RIMS1: variants seen among roughly 807,000 people sequenced by gnomAD.
RIMS1 encodes regulating synaptic membrane exocytosis 1, also known as regulating synaptic membrane exocytosis protein 1.
RIMS1 carries 83 observed loss-of-function variants against 214.1 expected under a neutral mutation model. The observed-to-expected ratio is 0.39, with a 90% CI of 0.32 to 0.47. RIMS1 has a LOEUF of 0.47. Among genes scored for constraint, RIMS1 ranks in the 20% least tolerant of loss-of-function variants. RIMS1 has a pLI of 0.99. For synonymous variants in RIMS1, 793 were observed against 786.8 expected (o/e 1.01, Z -0.13); for missense variants, 2,050 against 2,161.8 (o/e 0.95, Z 1.03).
chr6:71,939,761 G>A (rs773230999), intron 1 of RIMS1, among the ~76,000 whole-genome samples: 1 of 152,126 alleles, frequency 6.6e-6, no homozygotes, highest in Non-Finnish European at 1.5e-5. Context: ...ACCGCTTAAA[G>A]TTTCCACCTC....
chr6:72,242,485 T>C, intron 10 of RIMS1, 48 bp downstream of exon 10: 1 of 1,376,078 alleles, frequency 7.3e-7, no homozygotes, highest in South Asian at 1.4e-5. Flanking sequence ...TTACATGTAT[T>C]AGTAGGGTTT....
At chr6:72,195,388 C>T (rs1207077039) in intron 6 of RIMS1, among the ~76,000 whole-genome samples, 2 of 152,092 alleles carry the variant, frequency 1.3e-5, no homozygotes, top group African/African-American at 4.8e-5. Flanking sequence ...TTTTGAGGAG[C>T]ATAAGGTTTC....
chr6:72,344,360 G>A (rs1483621420), intron 29 of RIMS1, among the ~76,000 whole-genome samples: 1 of 151,778 alleles, frequency 6.6e-6, no homozygotes, highest in East Asian at 1.9e-4. Flanking sequence ...AGGGAAGGAA[G>A]GCTAAGGTGG....
chr6:71,944,558 G>A (rs1787198665), intron 1 of RIMS1, among the ~76,000 whole-genome samples: 1 of 152,152 alleles, frequency 6.6e-6, no homozygotes, highest in African/African-American at 2.4e-5. Flanking sequence ...TTAGAGAGAA[G>A]AGAAAGGGAA....
rs1455834976 is a variant in RIMS1 at position 71,886,963 on chromosome 6, G to C, written c.-61G>C. On this transcript the variant is annotated 5_prime_UTR_variant, in exon 1 of 34. Coordinates refer to ENST00000521978, the MANE Select transcript of RIMS1 (RefSeq NM_014989.7). ...AGGGGGAAGCAGGGGCGCAGCTGCTGGGCGTGCATCCGAAAGGTGAGAGCC... is the reference window on the plus strand; with the variant it reads ...AGGGGGAAGCAGGGGCGCAGCTGCTCGGCGTGCATCCGAAAGGTGAGAGCC... The C allele has an allele frequency of 1.4e-5, 22 of 1,569,036 alleles. No individual in the cohort carries two copies. Among genetic ancestry groups the C allele is most frequent in the Non-Finnish European group, 1.6e-5 (18 of 1,152,978 alleles).
At chr6:72,360,279 A>G (rs1160316826) in intron 29 of RIMS1, among the ~76,000 whole-genome samples, 2 of 152,198 alleles carry the variant, frequency 1.3e-5, no homozygotes, top group African/African-American at 4.8e-5. Flanking sequence ...CCTCTGAATA[A>G]TCATAGTTAA....
intron 3 of RIMS1, among the ~76,000 whole-genome samples, chr6:72,098,806 A>G (rs1562307168): frequency 6.6e-6 from 1 of 152,182 alleles, no homozygotes; most frequent in Non-Finnish European, 1.5e-5. Flanking sequence ...TTATGACTCC[A>G]TAAGTTTTCT....
intron 2 of RIMS1, among the ~76,000 whole-genome samples, chr6:72,093,141 G>T (rs1291212443): frequency 6.7e-6 from 1 of 149,680 alleles, no homozygotes; most frequent in Non-Finnish European, 1.5e-5. Context: ...GAAATAAAAC[G>T]ATTTTAGGAA....
chr6:72,119,874 A>G (rs556385019), intron 4 of RIMS1, among the ~76,000 whole-genome samples: 14 of 151,764 alleles, frequency 9.2e-5, no homozygotes, highest in Admixed American at 3.3e-4. Context: ...TCATTGTTCA[A>G]TTCCCACCTA....
chr6:71,927,715 T>C (rs1482230678), intron 1 of RIMS1, among the ~76,000 whole-genome samples: 5 of 152,110 alleles, frequency 3.3e-5, no homozygotes, highest in Non-Finnish European at 2.9e-5. Flanking sequence ...TTAGCTCTTC[T>C]TTTTTGAACT....
intron 28 of RIMS1, among the ~76,000 whole-genome samples, chr6:72,333,372 C>A (rs2096735936): frequency 6.6e-6 from 1 of 151,780 alleles, no homozygotes; most frequent in Non-Finnish European, 1.5e-5. Flanking sequence ...TAAAAAGATT[C>A]TAAATTATTC....
chr6:72,136,061 T>C (rs542737248), intron 4 of RIMS1, among the ~76,000 whole-genome samples: 1 of 152,166 alleles, frequency 6.6e-6, no homozygotes, highest in African/African-American at 2.4e-5. Context: ...GGAATTAAAA[T>C]AGATTTGCAA....
chr6:72,147,380 C>G (rs934835837), intron 4 of RIMS1, among the ~76,000 whole-genome samples: 1 of 152,112 alleles, frequency 6.6e-6, no homozygotes, highest in African/African-American at 2.4e-5. Flanking sequence ...GGGTGGAGCC[C>G]TTGAAGAAAC....
At chr6:71,943,399 T>G (rs1187337155) in intron 1 of RIMS1, among the ~76,000 whole-genome samples, 2 of 152,128 alleles carry the variant, frequency 1.3e-5, no homozygotes, top group African/African-American at 4.8e-5. Context: ...CCCAAACACT[T>G]TTTGCCCAAA....
At chr6:72,361,517 A>G (rs2097825230) in intron 29 of RIMS1, among the ~76,000 whole-genome samples, 1 of 152,112 alleles carries the variant, frequency 6.6e-6, no homozygotes, top group Non-Finnish European at 1.5e-5. Flanking sequence ...TATTTCAAGT[A>G]TTTTCAAAGT....
intron 4 of RIMS1, among the ~76,000 whole-genome samples, chr6:72,137,963 C>T (rs538550892): frequency 2.0e-5 from 3 of 152,204 alleles, no homozygotes; most frequent in African/African-American, 7.2e-5. Context: ...GTCTCGATCT[C>T]CTGACCTCGT....
intron 28 of RIMS1, among the ~76,000 whole-genome samples, chr6:72,329,407 G>A (rs1170400739): frequency 6.6e-6 from 1 of 151,656 alleles, no homozygotes; most frequent in Non-Finnish European, 1.5e-5. Context: ...AGTTATTGGG[G>A]AAAATGGAAT....
intron 1 of RIMS1, among the ~76,000 whole-genome samples, chr6:71,888,907 T>C (rs1000517772): frequency 1.3e-5 from 2 of 152,194 alleles, no homozygotes; most frequent in African/African-American, 4.8e-5. Flanking sequence ...ATGACGTCCC[T>C]GGTGCTGCAG....
chr6:71,968,312 T>TA (rs1354206007), intron 1 of RIMS1, among the ~76,000 whole-genome samples: 1 of 152,246 alleles, frequency 6.6e-6, no homozygotes, highest in Non-Finnish European at 1.5e-5. Context: ...AGCTTTGTTA[T>TA]ATTGTCTACC....
Sources: allele counts gnomAD v4.1 joint callset (sites outside exome capture counted in the v4.1 genomes callset), GRCh38; gene constraint gnomAD v4.1.1; transcripts MANE v1.5; gene names NCBI Gene and HGNC (gene_info 2026-07-23, HGNC 2026-07-21).